GNAL: variants seen among roughly 807,000 people sequenced by gnomAD.
The protein encoded by GNAL is guanine nucleotide-binding protein G(olf) subunit alpha.
GNAL carries 18 observed loss-of-function variants against 55.1 expected under a neutral mutation model. The observed-to-expected ratio is 0.33, with a 90% CI of 0.23 to 0.48. GNAL has a LOEUF of 0.48. Ranked by LOEUF, GNAL falls within the 20% of genes least tolerant of loss-of-function variation. The probability of loss-of-function intolerance (pLI) is 0.99; values close to 1 mark genes in which losing one functional copy is unlikely to be tolerated. For missense variants in GNAL, 412 were observed against 614.1 expected (o/e 0.67, Z 3.48); for synonymous variants, 253 against 237.0 (o/e 1.07, Z -0.62).
At chr18:11,731,853 C>G (rs2032346556) in intron 1 of GNAL, among the ~76,000 whole-genome samples, 1 of 152,206 alleles carries the variant, frequency 6.6e-6, no homozygotes, top group Non-Finnish European at 1.5e-5. Flanking sequence ...CCCCGTTTCC[C>G]CTCCTGCTCT....
chr18:11,745,026 G>A (rs1407928023), intron 1 of GNAL, among the ~76,000 whole-genome samples: 4 of 152,174 alleles, frequency 2.6e-5, no homozygotes, highest in Non-Finnish European at 4.4e-5. Context: ...AACTGTTGAT[G>A]TACCTGTTCC....
intron 1 of GNAL, among the ~76,000 whole-genome samples, chr18:11,743,196 A>C (rs1483628542): frequency 6.6e-6 from 1 of 151,878 alleles, no homozygotes; most frequent in Non-Finnish European, 1.5e-5. Flanking sequence ...GTGTTAGCCT[A>C]GGGGCCACAT....
chr18:11,790,588 T>G (rs972196298), intron 4 of GNAL, among the ~76,000 whole-genome samples: 2 of 152,140 alleles, frequency 1.3e-5, no homozygotes, highest in African/African-American at 4.8e-5. Context: ...GAGGCCCCTT[T>G]GACACTTATG....
At chr18:11,837,514 G>A (rs1378101039) in intron 5 of GNAL, among the ~76,000 whole-genome samples, 1 of 152,164 alleles carries the variant, frequency 6.6e-6, no homozygotes, top group Non-Finnish European at 1.5e-5. Flanking sequence ...GCCACGAAAA[G>A]ATGCTAAACA....
intron 4 of GNAL, among the ~76,000 whole-genome samples, chr18:11,808,945 A>G (rs569828971): frequency 6.6e-6 from 1 of 152,250 alleles, no homozygotes; most frequent in Non-Finnish European, 1.5e-5. Context: ...AACGTCCAGC[A>G]TAGGCAAATT....
chr18:11,713,359 G>A (rs2031881477), intron 1 of GNAL, among the ~76,000 whole-genome samples: 1 of 152,248 alleles, frequency 6.6e-6, no homozygotes, highest in South Asian at 2.1e-4. Flanking sequence ...CTGGCTAAGT[G>A]CAAAGGGGAC....
chr18:11,840,940 C>G (rs148891831), intron 5 of GNAL, among the ~76,000 whole-genome samples: 1 of 149,474 alleles, frequency 6.7e-6, no homozygotes, highest in Non-Finnish European at 1.5e-5. Flanking sequence ...GTGCTACGAT[C>G]ACAGCTCACT....
intron 1 of GNAL, among the ~76,000 whole-genome samples, chr18:11,750,090 A>G (rs1187879738): frequency 6.6e-6 from 1 of 152,228 alleles, no homozygotes; most frequent in Non-Finnish European, 1.5e-5. Flanking sequence ...AGACCACAGC[A>G]GTGGCAGACG....
chr18:11,827,576 G>A (rs1421214048), intron 5 of GNAL, among the ~76,000 whole-genome samples: 1 of 152,104 alleles, frequency 6.6e-6, no homozygotes, highest in African/African-American at 2.4e-5. Flanking sequence ...TTGTACACCT[G>A]CACTCCAGCC....
rs375387808 is a variant in GNAL, at chr18:11,852,120, C to T, written c.723-10275C>T. 18 of 1,580,380 alleles carry T rather than the reference C, an allele frequency of 1.1e-5. No homozygotes were observed. The African/African-American group carries it at 2.0e-4, about 18-fold the overall frequency. On this transcript the variant is annotated intron_variant, in intron 5 of 11. Transcript: ENST00000334049. ...TTCGGGATCAAGTGTGACGGCAGAACCCGCTCTGAGGTTTCCTGGCCATAG... is the reference window on the plus strand; with the variant it reads ...TTCGGGATCAAGTGTGACGGCAGAATCCGCTCTGAGGTTTCCTGGCCATAG...
intron 1 of GNAL, among the ~76,000 whole-genome samples, chr18:11,729,108 T>C (rs2032277762): frequency 6.6e-6 from 1 of 152,136 alleles, no homozygotes; most frequent in Admixed American, 6.6e-5. Context: ...GCAAACGAGA[T>C]AGTTAACCCA....
At chr18:11,848,467 T>C (rs2035786220) in intron 5 of GNAL, among the ~76,000 whole-genome samples, 1 of 151,582 alleles carries the variant, frequency 6.6e-6, no homozygotes, top group African/African-American at 2.4e-5. Context: ...TTTTCTTTTT[T>C]TTTTTTTGAG....
Position 11,852,239 on chromosome 18 carries a change from G to A in GNAL, c.723-10156G>A, listed in dbSNP as rs371543985. The A allele has an allele frequency of 3.5e-6, 4 of 1,146,988 alleles. No individual in the cohort carries two copies. The East Asian group carries it at 1.0e-4, about 30-fold the overall frequency. 71.1% of individuals were successfully genotyped at this position (1,146,988 alleles called of 1,614,324 possible). ...TGCTGAAATGCCCTTCTACCTTTGGGTTTACAGCCCCCTCCACATAAATTA... is the reference window on the plus strand; with the variant it reads ...TGCTGAAATGCCCTTCTACCTTTGGATTTACAGCCCCCTCCACATAAATTA... On this transcript the variant is annotated intron_variant, in intron 5 of 11. Transcript: ENST00000334049.
intron 1 of GNAL, among the ~76,000 whole-genome samples, chr18:11,748,000 C>T (rs370056769): frequency 7.2e-5 from 11 of 152,188 alleles, no homozygotes; most frequent in East Asian, 3.9e-4. Context: ...TCTTGGTACC[C>T]TCCCCACCAG....
chr18:11,722,831 G>A (rs988408901), intron 1 of GNAL, among the ~76,000 whole-genome samples: 1 of 152,120 alleles, frequency 6.6e-6, no homozygotes, highest in Non-Finnish European at 1.5e-5. Context: ...GACCAACATG[G>A]AGAAACCCTG....
chr18:11,828,356 A>T (rs1016773640), intron 5 of GNAL, among the ~76,000 whole-genome samples: 2 of 133,614 alleles, frequency 1.5e-5, no homozygotes, highest in South Asian at 4.7e-4. Context: ...GTGAGCTATC[A>T]TTGTGCCACA....
chr18:11,709,329 G>GT (rs1555641585), intron 1 of GNAL, among the ~76,000 whole-genome samples: 6 of 49,038 alleles, frequency 1.2e-4, no homozygotes, highest in African/African-American at 4.5e-4. Context: ...CTCTATTTTT[G>GT]TAAAAAAAAA....
chr18:11,884,382 T>C lies in GNAL; in HGVS notation c.*3247T>C. ...ATTGGTCTCATCATCCACTTGATTC[T>C]AACATGATCTCTGCCCAAAGTTCCA... On this transcript the variant is annotated 3_prime_UTR_variant, in exon 12 of 12. Transcript: ENST00000334049. The C allele has an allele frequency of 6.5e-7, 1 of 1,531,620 alleles. No homozygotes were observed. Among genetic ancestry groups the C allele is most frequent in the Non-Finnish European group, 9.0e-7 (1 of 1,116,122 alleles). 94.9% of individuals were successfully genotyped at this position (1,531,620 alleles called of 1,614,324 possible).
At position 11,783,793 on chromosome 18, in the gene GNAL, A is replaced by G. The variant is rs552640704; in HGVS notation, c.624+29848A>G. Among the ~76,000 whole-genome samples, 19 of 152,280 alleles carry G rather than the reference A, an allele frequency of 1.2e-4. No individual in the cohort carries two copies. In the South Asian group the frequency reaches 3.9e-3, roughly 32 times the overall value. ...TTTTTTCATTAAAAATGTCTTCAAA[A>G]TCTAGTGTGTATTTGGCATGTCTGG... On this transcript the variant is annotated intron_variant, in intron 4 of 11. Transcript: ENST00000334049.
Sources: gnomAD v4.1 joint callset for allele counts (sites outside exome capture counted in the v4.1 genomes callset) on GRCh38, gnomAD v4.1.1 for gene constraint, MANE v1.5 for transcripts, NCBI Gene and HGNC (gene_info 2026-07-23, HGNC 2026-07-21) for gene names.